Variants in IGF1R observed in about 807,000 individuals in gnomAD.
IGF1R encodes insulin-like growth factor 1 receptor.
Under a neutral mutation model 144.6 loss-of-function variants are expected in IGF1R, and 44 were observed. The ratio of observed to expected loss-of-function variants is 0.30; its 90% confidence interval spans 0.24 to 0.39. The LOEUF is 0.39. Among genes scored for constraint, IGF1R ranks in the 10% least tolerant of loss-of-function variants. IGF1R has a pLI of 1.00. For synonymous variants in IGF1R, 795 were observed against 722.8 expected (o/e 1.10, Z -1.60); for missense variants, 1,355 against 1,833.7 (o/e 0.74, Z 4.77).
chr15:98,734,973 A>G (rs1028977801), intron 2 of IGF1R, among the ~76,000 whole-genome samples: 9 of 152,196 alleles, frequency 5.9e-5, no homozygotes, highest in Non-Finnish European at 1.2e-4. Context: ...CATTAAAACA[A>G]GTATGGGTAG....
chr15:98,649,558 G>T lies in IGF1R; in HGVS notation c.-24G>T, dbSNP rs2141154958. On this transcript the variant is annotated 5_prime_UTR_variant, in exon 1 of 21. Transcript: ENST00000650285. ...TTTTTTTTTTTTTTTTTGAGAAAGG[G>T]GAATTTCATCCCAAATAAAAGGAAT... 2 of 1,108,888 alleles carry T rather than the reference G, an allele frequency of 1.8e-6. No individual in the cohort carries two copies. Among genetic ancestry groups the T allele is most frequent in the Non-Finnish European group, 2.7e-6 (2 of 747,628 alleles). 68.7% of individuals were successfully genotyped at this position (1,108,888 alleles called of 1,614,324 possible). A position where few individuals can be genotyped will look rare whatever the true frequency, so the allele number is the denominator to read the frequency against.
At chr15:98,747,053 C>A (rs182768883) in intron 2 of IGF1R, among the ~76,000 whole-genome samples, 1 of 152,180 alleles carries the variant, frequency 6.6e-6, no homozygotes, top group Non-Finnish European at 1.5e-5. Flanking sequence ...ATTTAACTCT[C>A]TAGTGCCAAA....
Position 98,923,962 on chromosome 15 carries a change from C to T in IGF1R, c.2572C>T (p.Pro858Ser), listed in dbSNP as rs773555066. The change falls in exon 12 of 21, where the codon CCC (proline) becomes TCC (serine). Residue 858 changes from proline (P) to serine (S), a missense_variant. By Grantham distance (74) the Pro-to-Ser change is moderately conservative. Transcript: ENST00000650285. ...TTTAAAGTGGCCGGAACCTGAGAAT[C>T]CCAATGGATTGATTCTAATGTATGA... is the stretch of plus-strand genomic sequence containing the variant. ...IFLKWPEPEN[P>S]NGLILMYEIK... The T allele has an allele frequency of 1.9e-6, 3 of 1,613,898 alleles. No individual in the cohort carries two copies. Among genetic ancestry groups the T allele is most frequent in the Non-Finnish European group, 2.5e-6 (3 of 1,179,758 alleles).
intron 2 of IGF1R, among the ~76,000 whole-genome samples, chr15:98,792,414 G>A (rs2056147538): frequency 6.6e-6 from 1 of 152,186 alleles, no homozygotes; most frequent in Admixed American, 6.5e-5. Context: ...ATTAATCTTT[G>A]CAAATGAAGA....
intron 2 of IGF1R, among the ~76,000 whole-genome samples, chr15:98,770,715 G>C (rs12101788): frequency 0.18 from 27,005 of 151,976 alleles, 2,585 homozygotes; most frequent in South Asian, 0.31. Flanking sequence ...TTGGCCGTTA[G>C]CTGTCAACAG....
chr15:98,741,323 A>G (rs2054738490), intron 2 of IGF1R, among the ~76,000 whole-genome samples: 1 of 150,454 alleles, frequency 6.6e-6, no homozygotes, highest in South Asian at 2.1e-4. Context: ...TCACTTCCAG[A>G]AACTTTTAGA....
chr15:98,736,508 C>T (rs2054611781), intron 2 of IGF1R, among the ~76,000 whole-genome samples: 2 of 151,888 alleles, frequency 1.3e-5, no homozygotes, highest in Non-Finnish European at 2.9e-5. Context: ...ATCGTAACTT[C>T]GTGAAATTGG....
chr15:98,918,264 G>T (rs890583360), intron 10 of IGF1R, among the ~76,000 whole-genome samples: 1 of 152,116 alleles, frequency 6.6e-6, no homozygotes, highest in Admixed American at 6.5e-5. Flanking sequence ...AGCACCCGCT[G>T]CCAGCACCCC....
At chr15:98,656,268 G>T (rs1229764015) in intron 1 of IGF1R, among the ~76,000 whole-genome samples, 1 of 152,216 alleles carries the variant, frequency 6.6e-6, no homozygotes, top group Non-Finnish European at 1.5e-5. Context: ...CTGCTCACCT[G>T]GCTGGGCACA....
intron 15 of IGF1R, among the ~76,000 whole-genome samples, chr15:98,933,503 C>A (rs559907323): frequency 5.9e-5 from 9 of 152,064 alleles, no homozygotes; most frequent in African/African-American, 2.2e-4. Flanking sequence ...GCCATCACAC[C>A]TGGCTAATTT....
Position 98,935,182 on chromosome 15 carries a change from C to G in IGF1R, c.3186+129C>G, listed in dbSNP as rs1412706324. ...TGCCTTTGCCTTCTGGATAGTTACCCCATTACCTCACTGCTACCTTCAGAC... is the reference window on the plus strand; with the variant it reads ...TGCCTTTGCCTTCTGGATAGTTACCGCATTACCTCACTGCTACCTTCAGAC... On this transcript the variant is annotated intron_variant, in intron 16 of 20. Coordinates refer to ENST00000650285, the MANE Select transcript of IGF1R (RefSeq NM_000875.5). The surrounding 1 kb of genome is among the most constrained non-coding windows in gnomAD (Gnocchi z 4.2). The G allele has an allele frequency of 1.0e-6, 1 of 956,838 alleles. No homozygotes were observed. Among genetic ancestry groups the G allele is most frequent in the African/African-American group, 1.6e-5 (1 of 61,700 alleles). 59.3% of individuals were successfully genotyped at this position (956,838 alleles called of 1,614,324 possible).
At chr15:98,721,624 T>G (rs903177895) in intron 2 of IGF1R, among the ~76,000 whole-genome samples, 3 of 152,154 alleles carry the variant, frequency 2.0e-5, no homozygotes, top group Non-Finnish European at 4.4e-5. Context: ...TAGTGCACCA[T>G]GAGAGGGAGC....
intron 1 of IGF1R, 53 bp downstream of exon 1, chr15:98,649,728 G>C: frequency 7.3e-7 from 1 of 1,369,770 alleles, no homozygotes; most frequent in Non-Finnish European, 1.0e-6. Flanking sequence ...CCTCCGAGGG[G>C]CTGCGCCCTG....
At chr15:98,906,968 C>A (rs1470196187) in intron 5 of IGF1R, among the ~76,000 whole-genome samples, 2 of 152,214 alleles carry the variant, frequency 1.3e-5, no homozygotes, top group Non-Finnish European at 2.9e-5. Flanking sequence ...AAGGGTTGGG[C>A]TTCAGGCTTG....
chr15:98,695,104 A>G (rs148558332), intron 1 of IGF1R, among the ~76,000 whole-genome samples: 2 of 152,354 alleles, frequency 1.3e-5, no homozygotes, highest in East Asian at 3.9e-4. Flanking sequence ...GTGAACAAAA[A>G]CAAGAATTTG....
intron 2 of IGF1R, among the ~76,000 whole-genome samples, chr15:98,794,611 A>G (rs1042135672): frequency 6.6e-6 from 1 of 152,196 alleles, no homozygotes; most frequent in African/African-American, 2.4e-5. Flanking sequence ...GTCTGTGTAA[A>G]GTTCCATTTC....
At chr15:98,750,201 GCCTCA>G (rs140196793) in intron 2 of IGF1R, among the ~76,000 whole-genome samples, 4,087 of 152,294 alleles carry the variant, frequency 0.027, 163 homozygotes, top group African/African-American at 0.093. Context: ...GCTGAGAAAG[GCCTCA>G]CATCAGGTGA....
chr15:98,663,660 C>A (rs994478434), intron 1 of IGF1R, among the ~76,000 whole-genome samples: 1 of 152,120 alleles, frequency 6.6e-6, no homozygotes, highest in Non-Finnish European at 1.5e-5. Flanking sequence ...GGAGACTGAC[C>A]CCTGCCTTTT....
At chr15:98,745,414 G>C (rs1008327098) in intron 2 of IGF1R, among the ~76,000 whole-genome samples, 17 of 152,358 alleles carry the variant, frequency 1.1e-4, no homozygotes, top group African/African-American at 4.1e-4. Flanking sequence ...GCTGGGTGGT[G>C]CAGAGACAGA....
Sources: allele counts gnomAD v4.1 joint callset (sites outside exome capture counted in the v4.1 genomes callset), GRCh38; gene constraint gnomAD v4.1.1; non-coding constraint Gnocchi (gnomAD v3.1); transcripts MANE v1.5; gene names NCBI Gene and HGNC (gene_info 2026-07-23, HGNC 2026-07-21).